ARMCX3: variants seen among roughly 807,000 people sequenced by gnomAD.
The protein encoded by ARMCX3 is armadillo repeat-containing X-linked protein 3.
A neutral mutation model predicts 12.6 loss-of-function variants in ARMCX3; 3 were observed. The observed-to-expected ratio is 0.24, with a 90% CI of 0.11 to 0.61. The LOEUF (loss-of-function observed/expected upper bound fraction) is 0.61, where lower values mean the gene tolerates loss of function less well. Ranked by LOEUF, ARMCX3 falls within the 20% of genes least tolerant of loss-of-function variation. The probability of loss-of-function intolerance (pLI) is 0.88; values close to 1 mark genes in which losing one functional copy is unlikely to be tolerated. For missense variants in ARMCX3, 204 were observed against 286.1 expected, an observed-to-expected ratio of 0.71 and a Z score of 2.07; for synonymous variants, 102 against 103.1, an observed-to-expected ratio of 0.99 and a Z score of 0.06.
chrX:101,625,883 A>T lies in ARMCX3; in HGVS notation c.904A>T (p.Ile302Phe). The change falls in exon 5 of 5, where the codon ATT becomes TTT. Residue 302 changes from isoleucine (I) to phenylalanine (F), a missense_variant. Ile to Phe is a conservative substitution (Grantham distance 21, BLOSUM62 0). Coordinates refer to ENST00000471229, the MANE Select transcript of ARMCX3 (RefSeq NM_177947.3). ...TAATAAGAAGGAGAACAAAGAAGTT[A>T]TTCTTAAACTTCTGGTCATATTTGA... is the stretch of plus-strand genomic sequence containing the variant. ...LFNKKENKEV[I>F]LKLLVIFENI... 8.3e-7 allele frequency: 1 copy of T among 1,203,428 alleles called. No homozygotes were observed. Among genetic ancestry groups the T allele is most frequent in the Non-Finnish European group, 1.1e-6 (1 of 890,344 alleles).
Position 101,625,828 on chromosome X carries a change from C to T in ARMCX3, c.849C>T (p.Ala283=). The part of the protein sequence containing the change: ...NPAMTRELLR[A]QVPSSLGSLF... Reference sequence around the variant, plus strand: ...CCATGACTAGGGAACTGCTCAGGGCCCAAGTACCATCTTCACTGGGCTCCC... The same window carrying T: ...CCATGACTAGGGAACTGCTCAGGGCTCAAGTACCATCTTCACTGGGCTCCC... Residue 283 remains alanine (A), a synonymous_variant, in exon 5 of 5, where the codon GCC becomes GCT. Coordinates refer to ENST00000471229, the MANE Select transcript of ARMCX3 (RefSeq NM_177947.3). 1.7e-6 allele frequency: 2 copies of T among 1,205,769 alleles called. No individual in the cohort carries two copies. The highest frequency in any genetic ancestry group is 2.2e-6 in the Non-Finnish European group (2 of 892,346).
chrX:101,625,189 C>A lies in ARMCX3; in HGVS notation c.210C>A (p.Ser70Arg), dbSNP rs2147767016. 8.3e-7 allele frequency: 1 copy of A among 1,210,561 alleles called. No individual in the cohort carries two copies. Among genetic ancestry groups the A allele is most frequent in the South Asian group, 1.8e-5 (1 of 56,949 alleles). Residue 70 changes from serine (S) to arginine (R), a missense_variant, in exon 5 of 5, where the codon AGC becomes AGA. Ser to Arg is a moderately radical substitution (Grantham distance 110). Transcript: ENST00000471229. ...ATGATGATGATGACAGCAATGAGAGCAAGAGTATAGTATGGTACCCACCTT... is the reference window on the plus strand; with the variant it reads ...ATGATGATGATGACAGCAATGAGAGAAAGAGTATAGTATGGTACCCACCTT... ...WSDDDDDSNE[S>R]KSIVWYPPWA...
intron 2 of ARMCX3, 74 bp from the exon 3 acceptor site, chrX:101,624,084 A>T (rs1362644463): frequency 8.9e-6 from 1 of 112,151 alleles, no homozygotes; most frequent in Non-Finnish European, 1.9e-5. Flanking sequence ...AGGGAAACCT[A>T]TCGGATAGTT....
rs1214672113 is a variant in ARMCX3, at chrX:101,627,216, T to C, written c.*1097T>C. The C allele has an allele frequency of 8.1e-6, 1 of 123,557 alleles. No homozygotes were observed. The highest frequency in any genetic ancestry group is 1.9e-5 in the Non-Finnish European group (1 of 53,292). 10.2% of individuals were successfully genotyped at this position (123,557 alleles called of 1,213,427 possible). A position where few individuals can be genotyped will look rare whatever the true frequency, so the allele number is the denominator to read the frequency against. ...TGTTCACACAGTAGGATATTATAAG[T>C]ATGCTGATGGAAATCTATATTGCCA... On this transcript the variant is annotated 3_prime_UTR_variant, in exon 5 of 5. Transcript: ENST00000471229.
rs150867722 is a variant in ARMCX3 at position 101,627,234 on chromosome X, T to C, written c.*1115T>C. The C allele has an allele frequency of 5.7e-5, 7 of 123,587 alleles. No individual in the cohort carries two copies. Among genetic ancestry groups the C allele is most frequent in the African/African-American group, 2.3e-4 (7 of 30,914 alleles). The allele number at this position is 123,587 out of a possible 1,213,427, so 10.2% of individuals were successfully genotyped here. ...TTATAAGTATGCTGATGGAAATCTA[T>C]ATTGCCAGGAAAAGCTATTCATTAT... On this transcript the variant is annotated 3_prime_UTR_variant, in exon 5 of 5. Coordinates refer to ENST00000471229, the MANE Select transcript of ARMCX3 (RefSeq NM_177947.3).
In ARMCX3 at chrX:101,627,596, C is replaced by T. The variant is rs1936007078; in HGVS notation, c.*1477C>T. The T allele has an allele frequency of 8.1e-6, 1 of 123,703 alleles. No homozygotes were observed. The highest frequency in any genetic ancestry group is 1.9e-5 in the Non-Finnish European group (1 of 53,334). The allele number at this position is 123,703 out of a possible 1,213,427, so 10.2% of individuals were successfully genotyped here. On this transcript the variant is annotated 3_prime_UTR_variant, in exon 5 of 5. Transcript: ENST00000471229. ...TTAAAAATGAGGTAGGTTGAAGTTT[C>T]TTCTCTGAAATGATAGATAAATGGT...
At position 101,626,454 on chromosome X, in the gene ARMCX3, A is replaced by G; in HGVS notation, c.*335A>G. 1 of 176,442 alleles carries G rather than the reference A, an allele frequency of 5.7e-6. No individual in the cohort carries two copies. The highest frequency in any genetic ancestry group is 1.1e-5 in the Non-Finnish European group (1 of 87,786). The allele number at this position is 176,442 out of a possible 1,213,427, so 14.5% of individuals were successfully genotyped here. On this transcript the variant is annotated 3_prime_UTR_variant, in exon 5 of 5. Coordinates refer to ENST00000471229, the MANE Select transcript of ARMCX3 (RefSeq NM_177947.3). ...TGATTTAATTTGTGTATCATCAATA[A>G]AATTGTATGTTAATGCTGGAAAGAA...
At position 101,626,744 on chromosome X, in the gene ARMCX3, G is replaced by A. The variant is rs1935995347; in HGVS notation, c.*625G>A. On this transcript the variant is annotated 3_prime_UTR_variant, in exon 5 of 5. Coordinates refer to ENST00000471229, the MANE Select transcript of ARMCX3 (RefSeq NM_177947.3). ...CATGAGACAAGACAAGGGGGGCATG[G>A]TGTGAGAAAGGCATGGAAGTAGGAA... 6 of 122,979 alleles carry A rather than the reference G, an allele frequency of 4.9e-5. No homozygotes were observed. 10.1% of individuals were successfully genotyped at this position (122,979 alleles called of 1,213,427 possible).
rs868972628 is a variant in ARMCX3, at chrX:101,625,710, C to T, written c.731C>T (p.Ser244Phe). The T allele has an allele frequency of 8.5e-7, 1 of 1,178,323 alleles. No homozygotes were observed. Among genetic ancestry groups the T allele is most frequent in the Non-Finnish European group, 1.1e-6 (1 of 881,675 alleles). ...TNEYQHMLAN[S>F]ISDFFRLFSA... is the part of the protein sequence containing the mutation. ...GAGTATCAGCACATGCTTGCTAATT[C>T]CATTTCTGACTTTTTTCGTTTATTT... is the stretch of plus-strand genomic sequence containing the variant. The change falls in exon 5 of 5, where the codon TCC (serine) becomes TTC (phenylalanine). Residue 244 changes from serine to phenylalanine, a missense_variant. Physicochemically the swap from Ser to Phe is radical, Grantham distance 155. Coordinates refer to ENST00000471229, the MANE Select transcript of ARMCX3 (RefSeq NM_177947.3).
chrX:101,626,048 T>C lies in ARMCX3; in HGVS notation c.1069T>C (p.Leu357=). ...GGGAATAGAAAGTCACCATGATTTT[T>C]TGGTGAAAGTAAAAGTTGGAAAATT... ...VLGIESHHDF[L]VKVKVGKFMA... Residue 357 remains leucine, a synonymous_variant, in exon 5 of 5, where the codon TTG becomes CTG. Transcript: ENST00000471229. The C allele has an allele frequency of 8.3e-7, 1 of 1,198,463 alleles. No individual in the cohort carries two copies. The highest frequency in any genetic ancestry group is 2.3e-4 in the Middle Eastern group (1 of 4,281).
Position 101,626,471 on chromosome X carries a change from T to C in ARMCX3, c.*352T>C, listed in dbSNP as rs1475014936. On this transcript the variant is annotated 3_prime_UTR_variant, in exon 5 of 5. Coordinates refer to ENST00000471229, the MANE Select transcript of ARMCX3 (RefSeq NM_177947.3). Reference sequence around the variant, plus strand: ...CATCAATAAAATTGTATGTTAATGCTGGAAAGAAAAAAAGAAGAAAGAAAG... The same window carrying C: ...CATCAATAAAATTGTATGTTAATGCCGGAAAGAAAAAAAGAAGAAAGAAAG... 6.5e-6 allele frequency: 1 copy of C among 154,932 alleles called. No individual in the cohort carries two copies. Among genetic ancestry groups the C allele is most frequent in the African/African-American group, 3.1e-5 (1 of 32,279 alleles). The allele number at this position is 154,932 out of a possible 1,213,427, so 12.8% of individuals were successfully genotyped here. A position where few individuals can be genotyped will look rare whatever the true frequency, so the allele number is the denominator to read the frequency against.
Position 101,624,887 on chromosome X carries a change from C to G in ARMCX3, c.-93C>G, listed in dbSNP as rs782413068. ...CTTGAAGTGGCTGAAGACGATCACC[C>G]TCCACAGGCTTGAGCCCAGTCCCAC... On this transcript the variant is annotated 5_prime_UTR_variant, in exon 5 of 5. Coordinates refer to ENST00000471229, the MANE Select transcript of ARMCX3 (RefSeq NM_177947.3). 3.6e-4 allele frequency: 312 copies of G among 860,501 alleles called. No individual in the cohort carries two copies. The highest frequency in any genetic ancestry group is 4.6e-4 in the Non-Finnish European group (293 of 641,952). The allele number at this position is 860,501 out of a possible 1,213,427, so 70.9% of individuals were successfully genotyped here. A position where few individuals can be genotyped will look rare whatever the true frequency, so the allele number is the denominator to read the frequency against.
At chrX:101,623,946 A>G (rs1232468020) in intron 2 of ARMCX3, 53 bp downstream of exon 2, 1 of 109,888 alleles carries the variant, frequency 9.1e-6, no homozygotes, top group African/African-American at 3.3e-5. Context: ...GGGGGTGGGG[A>G]GAAGGCAGAG....
Position 101,626,122 on chromosome X carries a change from C to G in ARMCX3, c.*3C>G. 1.7e-6 allele frequency: 2 copies of G among 1,151,041 alleles called. No homozygotes were observed. Among genetic ancestry groups the G allele is most frequent in the Non-Finnish European group, 2.3e-6 (2 of 868,344 alleles). The allele number at this position is 1,151,041 out of a possible 1,213,427, so 94.9% of individuals were successfully genotyped here. ...TGTTCCCAAAGAGCCAGGAATAACA[C>G]CTTGATTTTGTAATTTAGAAGCAAC... is the stretch of plus-strand genomic sequence containing the variant. On this transcript the variant is annotated 3_prime_UTR_variant, in exon 5 of 5. Transcript: ENST00000471229.
chrX:101,625,025 A>G lies in ARMCX3; in HGVS notation c.46A>G (p.Ile16Val), dbSNP rs782282127. Reference sequence around the variant, plus strand: ...AGGCTGGGTGACCGCAGGCCTGGTGATTGGGGCTGGCGCCTGCTATTGCAT... The same window carrying G: ...AGGCTGGGTGACCGCAGGCCTGGTGGTTGGGGCTGGCGCCTGCTATTGCAT... ...KVGWVTAGLV[I>V]GAGACYCIYR... Residue 16 changes from isoleucine (I) to valine (V), a missense_variant, in exon 5 of 5, where the codon ATT (isoleucine) becomes GTT (valine). Coordinates refer to ENST00000471229, the MANE Select transcript of ARMCX3 (RefSeq NM_177947.3). 1.7e-6 allele frequency: 2 copies of G among 1,146,298 alleles called. No individual in the cohort carries two copies. Among genetic ancestry groups the G allele is most frequent in the African/African-American group, 1.8e-5 (1 of 54,885 alleles). The allele number at this position is 1,146,298 out of a possible 1,213,427, so 94.5% of individuals were successfully genotyped here. A position where few individuals can be genotyped will look rare whatever the true frequency, so the allele number is the denominator to read the frequency against.
At chrX:101,623,497 G>C (rs1313073175) in intron 1 of ARMCX3, 36 of 112,484 alleles carry the variant, frequency 3.2e-4, no homozygotes, top group Non-Finnish European at 3.0e-4. Context: ...GGAGCCTAGG[G>C]CCGCAATCCG....
intron 3 of ARMCX3, 87 bp from the exon 4 acceptor site, chrX:101,624,393 A>G (rs1419791075): frequency 8.9e-6 from 1 of 111,879 alleles, no homozygotes; most frequent in Non-Finnish European, 1.9e-5. Flanking sequence ...AACAAACCTG[A>G]TAACCGGAAT....
rs782779988 is a variant in ARMCX3 at position 101,624,933 on chromosome X, A to T, written c.-47A>T. On this transcript the variant is annotated 5_prime_UTR_variant, in exon 5 of 5. Transcript: ENST00000471229. ...CCCACAGCCTTCCTCCCCCAGCCTG[A>T]GTGACTACTCTATTCCTTGGTCCCT... 1 of 1,065,511 alleles carries T rather than the reference A, an allele frequency of 9.4e-7. No individual in the cohort carries two copies. Among genetic ancestry groups the T allele is most frequent in the African/African-American group, 1.9e-5 (1 of 52,361 alleles). 87.8% of individuals were successfully genotyped at this position (1,065,511 alleles called of 1,213,427 possible). A position where few individuals can be genotyped will look rare whatever the true frequency, so the allele number is the denominator to read the frequency against.
chrX:101,626,832 T>C lies in ARMCX3; in HGVS notation c.*713T>C, dbSNP rs782456020. Reference sequence around the variant, plus strand: ...GGAGAGTGTGGAGAGTGGGAGTAGATAATTTTGGAAAGCTGGGTGAAGCCA... The same window carrying C: ...GGAGAGTGTGGAGAGTGGGAGTAGACAATTTTGGAAAGCTGGGTGAAGCCA... On this transcript the variant is annotated 3_prime_UTR_variant, in exon 5 of 5. Transcript: ENST00000471229. 4.9e-5 allele frequency: 6 copies of C among 123,166 alleles called. No individual in the cohort carries two copies. The highest frequency in any genetic ancestry group is 1.1e-4 in the Non-Finnish European group (6 of 53,177). The allele number at this position is 123,166 out of a possible 1,213,427, so 10.2% of individuals were successfully genotyped here. A position where few individuals can be genotyped will look rare whatever the true frequency, so the allele number is the denominator to read the frequency against.
Sources: allele counts gnomAD v4.1 joint callset, GRCh38; gene constraint gnomAD v4.1.1; transcripts MANE v1.5; gene names NCBI Gene and HGNC (gene_info 2026-07-23, HGNC 2026-07-21).